The following HSF2 variants were observed in gnomAD, a reference collection of about 807,000 sequenced individuals.
HSF2 encodes the protein heat shock transcription factor 2.
Under a neutral mutation model 65.0 loss-of-function variants are expected in HSF2, and 21 were observed. The observed-to-expected ratio is 0.32, with a 90% CI of 0.23 to 0.47. HSF2 has a LOEUF of 0.47. HSF2 is among the 20% of genes least tolerant of loss of function. The probability of loss-of-function intolerance (pLI) is 1.00; values close to 1 mark genes in which losing one functional copy is unlikely to be tolerated. For synonymous variants in HSF2, 225 were observed against 219.1 expected, an observed-to-expected ratio of 1.03 and a Z score of -0.24; for missense variants, 499 against 628.1, an observed-to-expected ratio of 0.79 and a Z score of 2.20.
Position 122,412,393 on chromosome 6 carries a change from C to T in HSF2, c.114C>T (p.Val38=), listed in dbSNP as rs200401812. Residue 38 remains valine, a synonymous_variant, in exon 2 of 13, where the codon GTC becomes GTT. Transcript: ENST00000368455. The stretch of plus-strand genomic sequence containing the variant: ...TGCAGAATGGCCAAAGTTTTCTGGT[C>T]TTGGATGAGCAACGATTTGCAAAAG... ...TWSQNGQSFL[V]LDEQRFAKEI... The T allele has an allele frequency of 4.2e-5, 68 of 1,609,558 alleles. No individual in the cohort carries two copies. The highest frequency in any genetic ancestry group is 5.2e-5 in the Non-Finnish European group (61 of 1,176,812).
chr6:122,416,634 C>G (rs1280001219), intron 5 of HSF2, among the ~76,000 whole-genome samples: 4 of 151,962 alleles, frequency 2.6e-5, no homozygotes, highest in Non-Finnish European at 5.9e-5. Context: ...GAAAACATAG[C>G]CTTACTGGTT....
intron 1 of HSF2, among the ~76,000 whole-genome samples, chr6:122,400,148 C>T (rs1200302074): frequency 6.6e-6 from 1 of 152,174 alleles, no homozygotes; most frequent in East Asian, 1.9e-4. Context: ...AATCGGCGAG[C>T]CGAGGGCGCG....
In HSF2 at chr6:122,431,957, C is replaced by T. The variant is rs1426029257; in HGVS notation, c.1348C>T (p.Leu450Phe). 2 of 1,613,868 alleles carry T rather than the reference C, an allele frequency of 1.2e-6. No individual in the cohort carries two copies. The highest frequency in any genetic ancestry group is 2.2e-5 in the East Asian group (1 of 44,892). Residue 450 changes from leucine to phenylalanine, a missense_variant, in exon 13 of 13, where the codon CTT (leucine) becomes TTT (phenylalanine). Leu to Phe is a conservative substitution (Grantham distance 22). This residue lies in a region of HSF2 where 349 missense variants were observed against 393.5 expected (regional missense o/e 0.89). Transcript: ENST00000368455. The stretch of plus-strand genomic sequence containing the variant: ...GCTTATCCAGTATACCGCCTTTCCA[C>T]TTCTTGCATTCCTCGATGGGAACCC... ...KQLIQYTAFP[L>F]LAFLDGNPAS...
chr6:122,405,084 A>G (rs1003496313), intron 1 of HSF2, among the ~76,000 whole-genome samples: 3 of 152,026 alleles, frequency 2.0e-5, no homozygotes, highest in African/African-American at 4.8e-5. Context: ...CAAAGTGCCT[A>G]CCTTTATGGA....
chr6:122,420,415 T>TTCCAGTTG (rs1356988174), intron 7 of HSF2, 193 bp downstream of exon 7: 1 of 173,180 alleles, frequency 5.8e-6, no homozygotes, highest in Non-Finnish European at 1.1e-5. Flanking sequence ...AATCTAGTTG[T>TTCCAGTTG]TCCAGTTGCC....
chr6:122,403,246 ATTATAC>A (rs1339613966), intron 1 of HSF2, among the ~76,000 whole-genome samples: 5 of 152,184 alleles, frequency 3.3e-5, no homozygotes, highest in South Asian at 2.1e-4. Context: ...AACAATTGAA[ATTATAC>A]TTAAATATGT....
intron 7 of HSF2, among the ~76,000 whole-genome samples, chr6:122,420,700 C>CTTTCTTTTTT (rs1774213358): frequency 3.5e-5 from 1 of 28,572 alleles, no homozygotes; most frequent in Non-Finnish European, 6.1e-5. Flanking sequence ...TTATTCATTT[C>CTTTCTTTTTT]TTTTTTTTTT....
chr6:122,410,983 G>T, intron 1 of HSF2, among the ~76,000 whole-genome samples: 2 of 129,196 alleles, frequency 1.5e-5, no homozygotes, highest in Non-Finnish European at 1.6e-5. Flanking sequence ...ACCTAGGAAT[G>T]GAATTGCTGG....
chr6:122,401,891 A>T (rs1419110715), intron 1 of HSF2, among the ~76,000 whole-genome samples: 3 of 152,138 alleles, frequency 2.0e-5, no homozygotes, highest in Non-Finnish European at 4.4e-5. Flanking sequence ...GACAGGTGAG[A>T]TTATTTATCC....
chr6:122,419,908 A>G (rs1333897288), intron 6 of HSF2, among the ~76,000 whole-genome samples: 1 of 152,190 alleles, frequency 6.6e-6, no homozygotes, highest in Non-Finnish European at 1.5e-5. Flanking sequence ...ATAGCTTATT[A>G]TAACAAAAAG....
rs916588930 is a variant in HSF2, at chr6:122,432,750, C to T, written c.*530C>T. 5.9e-5 allele frequency: 9 copies of T among 152,962 alleles called. No homozygotes were observed. Among genetic ancestry groups the T allele is most frequent in the African/African-American group, 1.7e-4 (7 of 41,546 alleles). 9.5% of individuals were successfully genotyped at this position (152,962 alleles called of 1,614,324 possible). ...AGAGAAGTTCATTTATGTTCAAAGA[C>T]GTTTATTCATGTTCAACAGGAAAGA... On this transcript the variant is annotated 3_prime_UTR_variant, in exon 13 of 13. Transcript: ENST00000368455.
chr6:122,412,362 T>TC lies in HSF2; in HGVS notation c.94-7dup, dbSNP rs760456137. 2 of 1,482,190 alleles carry TC rather than the reference T, an allele frequency of 1.3e-6. No individual in the cohort carries two copies. The highest frequency in any genetic ancestry group is 1.9e-6 in the Non-Finnish European group (2 of 1,063,516). 91.8% of individuals were successfully genotyped at this position (1,482,190 alleles called of 1,614,324 possible). On this transcript the variant is annotated splice_polypyrimidine_tract_variant and intron_variant, in intron 1 of 12. Coordinates refer to ENST00000368455, the MANE Select transcript of HSF2 (RefSeq NM_004506.4). ...CTAATTTACTTTTTCTTTTTTTTTT[T>TC]CCCCTTGCAGAATGGCCAAAGTTTT... is the stretch of plus-strand genomic sequence containing the variant.
chr6:122,431,130 G>A (rs942636976), intron 11 of HSF2, among the ~76,000 whole-genome samples: 1 of 152,002 alleles, frequency 6.6e-6, no homozygotes, highest in Non-Finnish European at 1.5e-5. Flanking sequence ...GATTCATTCT[G>A]ATCTTTTACT....
At chr6:122,410,280 G>A (rs1207759363) in intron 1 of HSF2, among the ~76,000 whole-genome samples, 2 of 151,668 alleles carry the variant, frequency 1.3e-5, no homozygotes, top group Admixed American at 6.6e-5. Context: ...TTACAATACT[G>A]CATTTGTCTT....
chr6:122,420,642 T>TA (rs1160939485), intron 7 of HSF2, among the ~76,000 whole-genome samples: 3 of 150,740 alleles, frequency 2.0e-5, no homozygotes, highest in Non-Finnish European at 4.4e-5. Context: ...TGTGGCTTTT[T>TA]TTTAACTTGA....
At chr6:122,399,977 AC>A (rs1773682740) in intron 1 of HSF2, 147 bp downstream of exon 1, 1 of 665,578 alleles carries the variant, frequency 1.5e-6, no homozygotes, top group Non-Finnish European at 2.6e-6. Flanking sequence ...CTCGCGGGGG[AC>A]CCCCTGTATT....
intron 1 of HSF2, among the ~76,000 whole-genome samples, chr6:122,404,007 A>G (rs1433717206): frequency 6.6e-6 from 1 of 152,208 alleles, no homozygotes; most frequent in Non-Finnish European, 1.5e-5. Flanking sequence ...AAGAACTGGA[A>G]GGTCATCCTT....
intron 3 of HSF2, 63 bp downstream of exon 3, chr6:122,412,827 T>C (rs915102175): frequency 7.4e-6 from 11 of 1,488,312 alleles, no homozygotes; most frequent in Non-Finnish European, 1.0e-5. Context: ...GCCAAGATTT[T>C]TATTTCAGCT....
At position 122,399,695 on chromosome 6, in the gene HSF2, C is replaced by A. The variant is rs777253567; in HGVS notation, c.-43C>A. 9.7e-6 allele frequency: 15 copies of A among 1,553,934 alleles called. No homozygotes were observed. In the African/African-American group the frequency reaches 1.1e-4, roughly 11 times the overall value. On this transcript the variant is annotated 5_prime_UTR_variant, in exon 1 of 13. Coordinates refer to ENST00000368455, the MANE Select transcript of HSF2 (RefSeq NM_004506.4). ...CCGTAGCTGCCGCCGCCGCTACCACCGCGTTCGGGTGTAGAATTTGGAATC... is the reference window on the plus strand; with the variant it reads ...CCGTAGCTGCCGCCGCCGCTACCACAGCGTTCGGGTGTAGAATTTGGAATC...
Sources: gnomAD v4.1 joint callset for allele counts (sites outside exome capture counted in the v4.1 genomes callset) on GRCh38, gnomAD v4.1.1 for gene constraint, gnomAD v4.1.1 regional missense constraint, MANE v1.5 for transcripts, NCBI Gene and HGNC (gene_info 2026-07-23, HGNC 2026-07-21) for gene names.